STARD13: variants seen among roughly 807,000 people sequenced by gnomAD.
STARD13 encodes the protein StAR related lipid transfer domain containing 13, also known as stAR-related lipid transfer protein 13.
In STARD13, 62 loss-of-function variants were observed where a neutral mutation model predicts 106.4. The observed-to-expected ratio is 0.58, with a 90% CI of 0.48 to 0.72. The LOEUF (loss-of-function observed/expected upper bound fraction) is 0.72. Ranked by LOEUF, STARD13 falls within the 30% of genes least tolerant of loss-of-function variation. The pLI is 0.00. For missense variants in STARD13, 1,387 were observed against 1,424.0 expected (o/e 0.97, Z 0.42); for synonymous variants, 565 against 553.0 (o/e 1.02, Z -0.31).
At chr13:33,481,875 C>T in the STARD13 span, among the ~76,000 whole-genome samples, 1 of 150,802 alleles carries the variant, frequency 6.6e-6, no homozygotes, top group East Asian at 1.9e-4. Flanking sequence ...CCCAGCTACT[C>T]GGGAGGCTGA....
At chr13:33,138,087 A>T (rs1187600053) in intron 4 of STARD13, among the ~76,000 whole-genome samples, 1 of 152,268 alleles carries the variant, frequency 6.6e-6, no homozygotes, top group African/African-American at 2.4e-5. Context: ...TATTAAAATT[A>T]TAAGTTCAAC....
chr13:33,260,201 T>A (rs1890571921), intron 1 of STARD13, among the ~76,000 whole-genome samples: 1 of 152,198 alleles, frequency 6.6e-6, no homozygotes, highest in South Asian at 2.1e-4. Context: ...CCAGCTAGTG[T>A]TCTTCATGAT....
At chr13:33,544,978 G>T in the STARD13 span, among the ~76,000 whole-genome samples, 3 of 150,640 alleles carry the variant, frequency 2.0e-5, no homozygotes, top group African/African-American at 7.3e-5. Flanking sequence ...TATTTGAGAC[G>T]GGGTTTTGCT....
chr13:33,167,017 A>ACAC (rs1566042401), intron 2 of STARD13, among the ~76,000 whole-genome samples: 6 of 151,506 alleles, frequency 4.0e-5, no homozygotes, highest in Admixed American at 1.3e-4. Flanking sequence ...AAAAAAACCA[A>ACAC]AAAAAAATCA....
At chr13:33,392,781 T>C in the STARD13 span, among the ~76,000 whole-genome samples, 2 of 152,216 alleles carry the variant, frequency 1.3e-5, no homozygotes, top group Non-Finnish European at 2.9e-5. Context: ...TAATATCCCC[T>C]AATATGCACT....
Position 33,227,490 on chromosome 13 carries a change from T to A in STARD13, c.169+57980A>T, listed in dbSNP as rs547697948. On this transcript the variant is annotated intron_variant, in intron 1 of 13. Transcript: ENST00000336934. ...ATTCTTAGGGAAAAGAGACAGTCATTAACTCTATATTTAGAGCTAGGCATT... is the reference window on the plus strand; with the variant it reads ...ATTCTTAGGGAAAAGAGACAGTCATAAACTCTATATTTAGAGCTAGGCATT... Among the ~76,000 whole-genome samples the A allele has an allele frequency of 9.8e-5, 15 of 152,310 alleles. No individual in the cohort carries two copies. In the South Asian group the frequency reaches 3.1e-3, roughly 32 times the overall value.
At position 33,147,008 on chromosome 13, in the gene STARD13, C is replaced by T. The variant is rs577699405; in HGVS notation, c.324-4635G>A. The stretch of plus-strand genomic sequence containing the variant: ...AAAGAATTGTCATTATCTGAGCTGT[C>T]TGGGAATTCCCTGAAAACCCCCAGT... On this transcript the variant is annotated intron_variant, in intron 3 of 13. Coordinates refer to ENST00000336934, the MANE Select transcript of STARD13 (RefSeq NM_178006.4). 5.3e-5 allele frequency among the ~76,000 whole-genome samples: 8 copies of T among 152,332 alleles called. No homozygotes were observed. The South Asian group carries it at 1.7e-3, about 32-fold the overall frequency.
the STARD13 span, among the ~76,000 whole-genome samples, chr13:33,631,893 G>A: frequency 2.0e-5 from 3 of 152,140 alleles, no homozygotes. Context: ...TGGGAAGAAA[G>A]AATGCTTCAT....
At chr13:33,332,151 T>G (rs1409065372) in intron 1 of STARD13, among the ~76,000 whole-genome samples, 1 of 152,172 alleles carries the variant, frequency 6.6e-6, no homozygotes, top group Admixed American at 6.5e-5. Flanking sequence ...AACCTCTCCC[T>G]GTAGCTCACT....
At chr13:33,551,853 C>T in the STARD13 span, among the ~76,000 whole-genome samples, 89 of 151,986 alleles carry the variant, frequency 5.9e-4, no homozygotes, top group African/African-American at 2.1e-3. Context: ...TCACCTTGGC[C>T]TCCCAAAGTG....
At chr13:33,321,476 A>T (rs1465878759) in intron 1 of STARD13, among the ~76,000 whole-genome samples, 1 of 151,904 alleles carries the variant, frequency 6.6e-6, no homozygotes. Flanking sequence ...ACTGCACTCC[A>T]GCCAGAGCAA....
chr13:33,373,474 C>T, the STARD13 span, among the ~76,000 whole-genome samples: 4 of 151,798 alleles, frequency 2.6e-5, no homozygotes, highest in South Asian at 8.4e-4. Context: ...TTCATTTGTT[C>T]TTTGAACAGT....
chr13:33,659,406 G>A, the STARD13 span, among the ~76,000 whole-genome samples: 10 of 152,058 alleles, frequency 6.6e-5, no homozygotes, highest in African/African-American at 2.2e-4. Context: ...AGTAGAGATG[G>A]GGTTTCATCA....
At chr13:33,406,826 C>T in the STARD13 span, among the ~76,000 whole-genome samples, 2 of 152,132 alleles carry the variant, frequency 1.3e-5, no homozygotes, top group South Asian at 2.1e-4. Context: ...GAAGGCAGAG[C>T]GTCGCCTTGT....
intron 7 of STARD13, among the ~76,000 whole-genome samples, chr13:33,120,659 A>G (rs938463900): frequency 6.6e-6 from 1 of 152,248 alleles, no homozygotes; most frequent in Non-Finnish European, 1.5e-5. Context: ...GTGGTCTCAA[A>G]TCAGATTCCA....
chr13:33,179,880 A>T (rs945367869), intron 1 of STARD13, among the ~76,000 whole-genome samples: 1 of 152,198 alleles, frequency 6.6e-6, no homozygotes, highest in Non-Finnish European at 1.5e-5. Context: ...TCTGCCATAA[A>T]CAACCCATCT....
chr13:33,553,799 C>T, the STARD13 span, among the ~76,000 whole-genome samples: 20 of 151,870 alleles, frequency 1.3e-4, no homozygotes, highest in Middle Eastern at 3.4e-3. Context: ...AGGATGGTCT[C>T]GATGTGTTGA....
chr13:33,513,274 AG>A, the STARD13 span, among the ~76,000 whole-genome samples: 2 of 152,188 alleles, frequency 1.3e-5, no homozygotes, highest in Non-Finnish European at 2.9e-5. Context: ...TCTTTCACAC[AG>A]GCTGACTCAC....
chr13:33,668,164 T>C, the STARD13 span, among the ~76,000 whole-genome samples: 1 of 152,230 alleles, frequency 6.6e-6, no homozygotes, highest in Non-Finnish European at 1.5e-5. Context: ...TCAATGAAAC[T>C]GTTCTAAATT....
Sources: gnomAD v4.1 joint callset for allele counts (sites outside exome capture counted in the v4.1 genomes callset) on GRCh38, gnomAD v4.1.1 for gene constraint, MANE v1.5 for transcripts, NCBI Gene and HGNC (gene_info 2026-07-23, HGNC 2026-07-21) for gene names.